RBM28: variants seen among roughly 807,000 people sequenced by gnomAD.
The protein encoded by RBM28 is RNA-binding protein 28.
A neutral mutation model predicts 98.3 loss-of-function variants in RBM28; 78 were observed. The ratio of observed to expected loss-of-function variants is 0.79; its 90% CI spans 0.66 to 0.96. The LOEUF is 0.96. RBM28 is among the 40% of genes least tolerant of loss of function. The pLI is 0.00. For missense variants in RBM28, 838 were observed against 913.0 expected, an observed-to-expected ratio of 0.92 and a Z score of 1.06; for synonymous variants, 306 against 330.9, an observed-to-expected ratio of 0.92 and a Z score of 0.82.
intron 14 of RBM28, 131 bp downstream of exon 14, chr7:128,321,135 C>T (rs1584642573): frequency 1.5e-6 from 2 of 1,291,270 alleles, no homozygotes; most frequent in East Asian, 2.3e-5. Context: ...CGCTGCACTA[C>T]AGCCTGGGCA....
chr7:128,324,496 T>G, intron 12 of RBM28, 63 bp downstream of exon 12: 1 of 1,608,624 alleles, frequency 6.2e-7, no homozygotes, highest in Non-Finnish European at 8.5e-7. Context: ...ATACTATTGC[T>G]TGATCAATGA....
Position 128,298,577 on chromosome 7 carries a change from G to GT in RBM28, c.*12219_*12220insA, listed in dbSNP as rs1795738927. The GT allele has an allele frequency of 6.6e-6, 1 of 151,662 alleles. No individual in the cohort carries two copies. The highest frequency in any genetic ancestry group is 1.5e-5 in the Non-Finnish European group (1 of 68,012). 9.4% of individuals were successfully genotyped at this position (151,662 alleles called of 1,614,324 possible). A position where few individuals can be genotyped will look rare whatever the true frequency, so the allele number is the denominator to read the frequency against. ...AAAATGAACGGATTTATTTTCAAAT[G>GT]CCCCCCATTGCTCTTCTTTAAATAT... On this transcript the variant is annotated 3_prime_UTR_variant, in exon 19 of 19. Transcript: ENST00000223073.
At position 128,297,962 on chromosome 7, in the gene RBM28, G is replaced by A. The variant is rs1313455533; in HGVS notation, c.*12835C>T. 2 of 130,494 alleles carry A rather than the reference G, an allele frequency of 1.5e-5. No individual in the cohort carries two copies. The highest frequency in any genetic ancestry group is 3.1e-5 in the Non-Finnish European group (2 of 63,736). 8.1% of individuals were successfully genotyped at this position (130,494 alleles called of 1,614,324 possible). On this transcript the variant is annotated 3_prime_UTR_variant, in exon 19 of 19. Coordinates refer to ENST00000223073, the MANE Select transcript of RBM28 (RefSeq NM_018077.3). ...TGAGAACACATGGACACAGGAAGGG[G>A]AACATCACACTCTGGGGACTATTGA...
rs1251960827 is a variant in RBM28, at chr7:128,317,658, C to A, written c.1788+1G>T. 1 of 1,592,522 alleles carries A rather than the reference C, an allele frequency of 6.3e-7. No individual in the cohort carries two copies. The highest frequency in any genetic ancestry group is 8.6e-7 in the Non-Finnish European group (1 of 1,160,582). On this transcript the variant is annotated splice_donor_variant, in intron 16 of 18. Transcript: ENST00000223073. LOFTEE classifies it high-confidence loss of function. ...AAATATGGACCATTTAATTTCTGTA[C>A]CAAGCTGCGCTGGATCCTTAATTCC... is the stretch of plus-strand genomic sequence containing the variant.
Position 128,323,619 on chromosome 7 carries a change from C to T in RBM28, c.1340-28G>A, listed in dbSNP as rs201127355. The stretch of plus-strand genomic sequence containing the variant: ...GCAGAAAGAGGGAAAAAGGCCAAGA[C>T]ATCAACAAGGGAATTTTCACTGAGC... On this transcript the variant is annotated intron_variant, in intron 12 of 18. Coordinates refer to ENST00000223073, the MANE Select transcript of RBM28 (RefSeq NM_018077.3). 176 of 1,613,694 alleles carry T rather than the reference C, an allele frequency of 1.1e-4. 1 individual carries two copies. In the African/African-American group the frequency reaches 1.8e-3, roughly 17 times the overall value.
chr7:128,313,916 T>C (rs1042665307), intron 17 of RBM28, among the ~76,000 whole-genome samples: 1 of 152,174 alleles, frequency 6.6e-6, no homozygotes, highest in Non-Finnish European at 1.5e-5. Context: ...GCTGCTGTCA[T>C]GCTTCCTGTA....
chr7:128,311,957 C>T (rs1795993819), intron 18 of RBM28, among the ~76,000 whole-genome samples: 1 of 152,158 alleles, frequency 6.6e-6, no homozygotes, highest in Non-Finnish European at 1.5e-5. Context: ...CTGCTAAGGC[C>T]ATTACATGAA....
At chr7:128,331,190 G>GC (rs11316350) in intron 9 of RBM28, among the ~76,000 whole-genome samples, 1 of 152,044 alleles carries the variant, frequency 6.6e-6, no homozygotes, top group Non-Finnish European at 1.5e-5. Context: ...AAACAGCGGT[G>GC]CCCCCCACTA....
In RBM28 at chr7:128,297,817, A is replaced by G. The variant is rs1252730394; in HGVS notation, c.*12980T>C. The G allele has an allele frequency of 2.6e-5, 4 of 151,966 alleles. No individual in the cohort carries two copies. The highest frequency in any genetic ancestry group is 4.8e-5 in the African/African-American group (2 of 41,376). 9.4% of individuals were successfully genotyped at this position (151,966 alleles called of 1,614,324 possible). ...TACACATATGCAGCCATAAAAAATGATGAGTTCATGTCCTTTGTAGGGACA... is the reference window on the plus strand; with the variant it reads ...TACACATATGCAGCCATAAAAAATGGTGAGTTCATGTCCTTTGTAGGGACA... On this transcript the variant is annotated 3_prime_UTR_variant, in exon 19 of 19. Transcript: ENST00000223073.
In RBM28 at chr7:128,330,898, T is replaced by C. The variant is rs1291865136; in HGVS notation, c.1050A>G (p.Glu350=). 3 of 1,613,108 alleles carry C rather than the reference T, an allele frequency of 1.9e-6. No homozygotes were observed. In the South Asian group the frequency reaches 3.3e-5, roughly 18 times the overall value. Residue 350 remains glutamate, a synonymous_variant, in exon 10 of 19, where the codon GAA becomes GAG. Transcript: ENST00000223073. ...RNLSFDSEEE[E]LGELLQQFGE... ...CAAACTGTTGGAGAAGCTCCCCAAG[T>C]TCTTCTTCTTCTGAGTCAAAGGACA... is the stretch of plus-strand genomic sequence containing the variant.
At chr7:128,330,973 A>G (rs1308186567) in intron 9 of RBM28, 45 bp from the exon 10 acceptor site, 1 of 1,252,316 alleles carries the variant, frequency 8.0e-7, no homozygotes, top group Non-Finnish European at 1.2e-6. Context: ...CAATTACATA[A>G]GTGAGATCCT....
chr7:128,329,575 C>T (rs1024519565), intron 10 of RBM28, among the ~76,000 whole-genome samples: 1 of 152,114 alleles, frequency 6.6e-6, no homozygotes, highest in African/African-American at 2.4e-5. Context: ...TTTGCTAGAT[C>T]TCAAACGAAT....
At chr7:128,318,145 T>C in intron 14 of RBM28, 39 bp from the exon 15 acceptor site, 12 of 1,563,958 alleles carry the variant, frequency 7.7e-6, no homozygotes, top group Non-Finnish European at 1.1e-5. Context: ...AATTACAGAA[T>C]GAGAAGACTT....
In RBM28 at chr7:128,339,278, G is replaced by A. The variant is rs1486322584; in HGVS notation, c.321C>T (p.Ala107=). The A allele has an allele frequency of 1.9e-5, 30 of 1,613,644 alleles. No homozygotes were observed. The highest frequency in any genetic ancestry group is 2.1e-5 in the Non-Finnish European group (25 of 1,179,656). ...CPKKEPKAKK[A]KVADKKARLI... ...ATCTGGCTTTCTTATCTGCCACTTT[G>A]GCTTTTTTAGCCTTCGGCTCCTTCT... The change falls in exon 3 of 19, where the codon GCC becomes GCT. Residue 107 remains alanine (A), a synonymous_variant. Transcript: ENST00000223073.
At chr7:128,331,362 G>A (rs965609803) in intron 9 of RBM28, among the ~76,000 whole-genome samples, 1 of 148,822 alleles carries the variant, frequency 6.7e-6, no homozygotes, top group East Asian at 2.0e-4. Context: ...TGTCCCCAGA[G>A]AAAAGACCCA....
intron 16 of RBM28, among the ~76,000 whole-genome samples, chr7:128,315,666 G>A (rs1796091618): frequency 6.6e-6 from 1 of 151,866 alleles, no homozygotes. Context: ...AACCATGTAA[G>A]CAAGAAGGGA....
Position 128,310,438 on chromosome 7 carries a change from G to T in RBM28, c.*359C>A. On this transcript the variant is annotated 3_prime_UTR_variant, in exon 19 of 19. Coordinates refer to ENST00000223073, the MANE Select transcript of RBM28 (RefSeq NM_018077.3). ...ACACAATATCTCATTTAGAGAATAT[G>T]CTTAACAAAATATACATCTTAAAAA... 1 of 320,816 alleles carries T rather than the reference G, an allele frequency of 3.1e-6. No homozygotes were observed. Among genetic ancestry groups the T allele is most frequent in the Non-Finnish European group, 5.9e-6 (1 of 168,424 alleles). The allele number at this position is 320,816 out of a possible 1,614,324, so 19.9% of individuals were successfully genotyped here.
chr7:128,311,013 AAAGT>A, intron 18 of RBM28, 82 bp from the exon 19 acceptor site: 14 of 1,394,366 alleles, frequency 1.0e-5, no homozygotes, highest in Non-Finnish European at 1.4e-5. Flanking sequence ...CCCAAGAGAG[AAAGT>A]AAGTGGGACA....
At chr7:128,323,625 C>A (rs1428148145) in intron 12 of RBM28, 34 bp from the exon 13 acceptor site, 2 of 1,612,594 alleles carry the variant, frequency 1.2e-6, no homozygotes, top group Admixed American at 1.7e-5. Context: ...AAGACATCAA[C>A]AAGGGAATTT....
Sources: allele counts gnomAD v4.1 joint callset (sites outside exome capture counted in the v4.1 genomes callset), GRCh38; gene constraint gnomAD v4.1.1; transcripts MANE v1.5; gene names NCBI Gene and HGNC (gene_info 2026-07-23, HGNC 2026-07-21).